Variants in NARF observed in about 807,000 individuals in gnomAD.
NARF encodes the protein nuclear prelamin A recognition factor.
Under a neutral mutation model 48.0 loss-of-function variants are expected in NARF, and 41 were observed. That is an observed-to-expected ratio of 0.85 (90% CI 0.66 to 1.11). NARF has a LOEUF of 1.11. Among genes scored for constraint, NARF ranks in the 50% least tolerant of loss-of-function variants. The probability of loss-of-function intolerance (pLI) is 0.00; values close to 1 mark genes in which losing one functional copy is unlikely to be tolerated. For synonymous variants in NARF, 215 were observed against 225.5 expected, an observed-to-expected ratio of 0.95 and a Z score of 0.42; for missense variants, 613 against 590.2, an observed-to-expected ratio of 1.04 and a Z score of -0.40.
rs1491263077 is a variant in NARF, at chr17:82,485,430, AAG to A, written c.972-66_972-65del. The A allele has an allele frequency of 6.4e-6, 10 of 1,554,218 alleles. No homozygotes were observed. The African/African-American group carries it at 1.1e-4, about 17-fold the overall frequency. ...AGCAAGACTCCGTCTCAAAAAAAAA[AAG>A]GAAGTGTTCTTAAGTCACAGATAAA... On this transcript the variant is annotated intron_variant, in intron 9 of 10. Transcript: ENST00000309794.
Position 82,483,704 on chromosome 17 carries a change from G to A in NARF, c.770-12G>A, listed in dbSNP as rs377410724. On this transcript the variant is annotated splice_polypyrimidine_tract_variant and intron_variant, in intron 7 of 10. Coordinates refer to ENST00000309794, the MANE Select transcript of NARF (RefSeq NM_012336.4). ...CTGTGTCTTTTCAGTGTCTTACTTC[G>A]TTTGTCTGCAGGTGAAATTGCTCAA... is the stretch of plus-strand genomic sequence containing the variant. 1.2e-5 allele frequency: 19 copies of A among 1,613,742 alleles called. No homozygotes were observed. The East Asian group carries it at 2.0e-4, about 17-fold the overall frequency.
At chr17:82,480,376 C>A (rs1184707190) in intron 6 of NARF, 1 of 401,774 alleles carries the variant, frequency 2.5e-6, no homozygotes, top group Non-Finnish European at 4.4e-6. Context: ...GGCTGGACTT[C>A]CTCTTACTTG....
At position 82,488,120 on chromosome 17, in the gene NARF, A is replaced by T; in HGVS notation, c.1334A>T (p.Gln445Leu). ...REVLHTTYQS[Q>L]ERGTHSLDIK... ...GTGCTGCATACCACGTACCAGAGCCAGGAGCGTGGCACACACAGCCTGGAC... is the reference window on the plus strand; with the variant it reads ...GTGCTGCATACCACGTACCAGAGCCTGGAGCGTGGCACACACAGCCTGGAC... The change falls in exon 11 of 11, where the codon CAG becomes CTG. Residue 445 changes from glutamine (Q) to leucine (L), a missense_variant. Gln to Leu is a moderately radical substitution (Grantham distance 113). Coordinates refer to ENST00000309794, the MANE Select transcript of NARF (RefSeq NM_012336.4). The T allele has an allele frequency of 6.2e-7, 1 of 1,614,078 alleles. No homozygotes were observed. Among genetic ancestry groups the T allele is most frequent in the Non-Finnish European group, 8.5e-7 (1 of 1,180,036 alleles).
chr17:82,464,541 A>G (rs1465314285), intron 3 of NARF, 111 bp downstream of exon 3: 26 of 1,340,860 alleles, frequency 1.9e-5, no homozygotes, highest in Non-Finnish European at 2.6e-5. Context: ...TGCACATCTC[A>G]GCCTTTTCCT....
chr17:82,458,683 TG>T, upstream of NARF: 2 of 1,311,868 alleles, frequency 1.5e-6, no homozygotes. Flanking sequence ...GCGCGGCCGT[TG>T]GGGGTGAGGC....
rs553780975 is a variant in NARF, at chr17:82,472,658, G to T, written c.480G>T (p.Glu160Asp). The change falls in exon 5 of 11, where the codon GAG becomes GAT. Residue 160 changes from glutamate (E) to aspartate (D), a missense_variant. Physicochemically the swap from Glu to Asp is conservative, Grantham distance 45. Transcript: ENST00000309794. ...EFVRRYRQHS[E>D]EERTLPMLTS... ...TGCGTCGCTATCGCCAGCACAGTGAGGAGGAACGCACCCTGCCCATGCTGA... is the reference window on the plus strand; with the variant it reads ...TGCGTCGCTATCGCCAGCACAGTGATGAGGAACGCACCCTGCCCATGCTGA... 1 of 1,613,952 alleles carries T rather than the reference G, an allele frequency of 6.2e-7. No individual in the cohort carries two copies. Among genetic ancestry groups the T allele is most frequent in the East Asian group, 2.2e-5 (1 of 44,856 alleles).
In NARF at chr17:82,472,610, C is replaced by G. The variant is rs750799682; in HGVS notation, c.432C>G (p.Ile144Met). 1.9e-6 allele frequency: 3 copies of G among 1,613,670 alleles called. No individual in the cohort carries two copies. Among genetic ancestry groups the G allele is most frequent in the South Asian group, 1.1e-5 (1 of 91,012 alleles). ...FDTTIAADFSILESQKEFVRR... is the reference protein window; with the variant it reads ...FDTTIAADFSMLESQKEFVRR... ...CGACGATAGCTGCGGATTTTAGTAT[C>G]CTGGAGAGTCAAAAAGAATTCGTGC... Residue 144 changes from isoleucine to methionine, a missense_variant, in exon 5 of 11, where the codon ATC (isoleucine) becomes ATG (methionine). Transcript: ENST00000309794.
At chr17:82,478,556 C>G (rs1269721107) in intron 5 of NARF, 1 of 596,820 alleles carries the variant, frequency 1.7e-6, no homozygotes, top group African/African-American at 1.8e-5. Context: ...TCTTACTTGT[C>G]TGTCGGCCTT....
intron 10 of NARF, among the ~76,000 whole-genome samples, chr17:82,486,122 T>C (rs1234611777): frequency 6.6e-6 from 1 of 151,216 alleles, no homozygotes; most frequent in African/African-American, 2.4e-5. Context: ...GGAGGGAGGG[T>C]GGGCCACTGT....
At chr17:82,478,403 C>T (rs1050915970) in intron 5 of NARF, among the ~76,000 whole-genome samples, 3 of 152,224 alleles carry the variant, frequency 2.0e-5, no homozygotes, top group Non-Finnish European at 1.5e-5. Flanking sequence ...TGGCTGCTCT[C>T]CCCTGAGCGG....
At chr17:82,478,968 G>GT in intron 6 of NARF, 50 bp downstream of exon 6, 1 of 1,547,844 alleles carries the variant, frequency 6.5e-7, no homozygotes. Context: ...GGAGGACCAT[G>GT]GCACAGGGGC....
chr17:82,459,919 G>T (rs143558028), intron 1 of NARF, 73 bp from the exon 2 acceptor site: 2 of 1,084,048 alleles, frequency 1.8e-6, no homozygotes, highest in Non-Finnish European at 2.8e-6. Context: ...GAGCTTCATT[G>T]GTCAGAATGT....
At position 82,468,816 on chromosome 17, in the gene NARF, C is replaced by T. The variant is rs1380090908; in HGVS notation, c.305C>T (p.Ser102Phe). ...KVLVVSVCPQ[S>F]LPYFAAKFNL... ...CTGGTAGTGTCTGTGTGTCCTCAAT[C>T]TTTGCCTTATTTTGCTGCTAAATTC... Residue 102 changes from serine to phenylalanine, a missense_variant, in exon 4 of 11, where the codon TCT (serine) becomes TTT (phenylalanine). Transcript: ENST00000309794. The T allele has an allele frequency of 6.2e-7, 1 of 1,614,072 alleles. No homozygotes were observed. The highest frequency in any genetic ancestry group is 8.5e-7 in the Non-Finnish European group (1 of 1,179,928).
rs1430115947 is a variant in NARF, at chr17:82,488,927, T to G, written c.*770T>G. 5.3e-5 allele frequency: 8 copies of G among 152,196 alleles called. No individual in the cohort carries two copies. The highest frequency in any genetic ancestry group is 1.9e-4 in the African/African-American group (8 of 41,400). The allele number at this position is 152,196 out of a possible 1,614,324, so 9.4% of individuals were successfully genotyped here. A position where few individuals can be genotyped will look rare whatever the true frequency, so the allele number is the denominator to read the frequency against. ...CTGTGGACTCCTGTGGCCCTGGGGTTGTTAGGGCAGGCAGTCCACAGTCCC... is the reference window on the plus strand; with the variant it reads ...CTGTGGACTCCTGTGGCCCTGGGGTGGTTAGGGCAGGCAGTCCACAGTCCC... On this transcript the variant is annotated 3_prime_UTR_variant, in exon 11 of 11. Coordinates refer to ENST00000309794, the MANE Select transcript of NARF (RefSeq NM_012336.4).
intron 6 of NARF, 32 bp from the exon 7 acceptor site, chr17:82,481,050 C>A: frequency 6.2e-7 from 1 of 1,613,658 alleles, no homozygotes; most frequent in South Asian, 1.1e-5. Context: ...ACCTCTTCAC[C>A]AGCCCTAAAT....
intron 3 of NARF, among the ~76,000 whole-genome samples, chr17:82,464,982 G>A (rs751208105): frequency 3.3e-5 from 5 of 152,258 alleles, no homozygotes; most frequent in African/African-American, 7.2e-5. Flanking sequence ...AAAGAACTAC[G>A]TGACACTGGC....
chr17:82,485,075 T>C, intron 9 of NARF, 125 bp downstream of exon 9: 2 of 1,234,766 alleles, frequency 1.6e-6, no homozygotes, highest in Non-Finnish European at 2.2e-6. Context: ...TCAAAAGGAC[T>C]TTTTTGTGTT....
intron 1 of NARF, chr17:82,459,097 C>T: frequency 1.7e-6 from 2 of 1,188,646 alleles, no homozygotes; most frequent in South Asian, 8.6e-5. Flanking sequence ...GGAGACCGAG[C>T]CTCTCGTGCC....
Position 82,458,761 on chromosome 17 carries a change from C to G in NARF, c.-43C>G, listed in dbSNP as rs897261086. The G allele has an allele frequency of 6.8e-7, 1 of 1,479,126 alleles. No individual in the cohort carries two copies. Among genetic ancestry groups the G allele is most frequent in the Non-Finnish European group, 8.9e-7 (1 of 1,120,764 alleles). 91.6% of individuals were successfully genotyped at this position (1,479,126 alleles called of 1,614,324 possible). On this transcript the variant is annotated 5_prime_UTR_variant, in exon 1 of 11. Transcript: ENST00000309794. The stretch of plus-strand genomic sequence containing the variant: ...GTGGTGTCCCAGTCTCCCGGTGCTT[C>G]CCTGAGGCTGAGGCGCCCGGCCTCC...
Sources: allele counts gnomAD v4.1 joint callset (sites outside exome capture counted in the v4.1 genomes callset), GRCh38; gene constraint gnomAD v4.1.1; transcripts MANE v1.5; gene names NCBI Gene and HGNC (gene_info 2026-07-23, HGNC 2026-07-21).